LRP1B: variants seen among roughly 807,000 people sequenced by gnomAD.
LRP1B encodes low-density lipoprotein receptor-related protein 1B.
In LRP1B, 217 loss-of-function variants were observed where a neutral mutation model predicts 556.6. The observed-to-expected ratio is 0.39, with a 90% confidence interval of 0.35 to 0.44. The LOEUF (loss-of-function observed/expected upper bound fraction) is 0.44, where lower values mean the gene tolerates loss of function less well. LRP1B is among the 20% of genes least tolerant of loss of function. The probability of loss-of-function intolerance (pLI) is 1.00; values close to 1 mark genes in which losing one functional copy is unlikely to be tolerated. For synonymous variants in LRP1B, 2,047 were observed against 1,865.8 expected, an observed-to-expected ratio of 1.10 and a Z score of -2.50; for missense variants, 5,053 against 5,620.8, an observed-to-expected ratio of 0.90 and a Z score of 3.23.
chr2:141,706,670 T>C (rs1428517019), intron 2 of LRP1B, among the ~76,000 whole-genome samples: 3 of 152,148 alleles, frequency 2.0e-5, no homozygotes, highest in Middle Eastern at 3.2e-3. Context: ...CAATGTGATC[T>C]TCAGAACACA....
Position 140,325,775 on chromosome 2 carries a change from G to A in LRP1B, c.12327C>T (p.Val4109=). ...CACTTCACAAACCTTGTTTGCTGCT[G>A]ACAGAGACTACTGAATTAGAGCCAT... is the stretch of plus-strand genomic sequence containing the variant. ...LYDGSNSVVS[V]SSKQGLLHPH... is the part of the protein sequence containing the mutation. Residue 4109 remains valine (V), a synonymous_variant, in exon 80 of 91, where the codon GTC becomes GTT. Transcript: ENST00000389484. The A allele has an allele frequency of 6.2e-7, 1 of 1,610,628 alleles. No individual in the cohort carries two copies. The highest frequency in any genetic ancestry group is 1.1e-5 in the South Asian group (1 of 90,762).
intron 20 of LRP1B, among the ~76,000 whole-genome samples, chr2:140,936,892 T>G (rs1035580960): frequency 6.6e-6 from 1 of 152,128 alleles, no homozygotes; most frequent in Non-Finnish European, 1.5e-5. Flanking sequence ...AAAGTAATGG[T>G]AAAAACCTCC....
intron 3 of LRP1B, among the ~76,000 whole-genome samples, chr2:141,444,638 G>T (rs556597576): frequency 1.3e-5 from 2 of 152,206 alleles, no homozygotes; most frequent in East Asian, 1.9e-4. Flanking sequence ...TAGTATGAAG[G>T]TGTGTTGAAT....
intron 7 of LRP1B, among the ~76,000 whole-genome samples, chr2:141,160,958 G>A (rs182060582): frequency 1.8e-4 from 27 of 152,022 alleles, no homozygotes; most frequent in Middle Eastern, 3.4e-3. Flanking sequence ...AAATTTCCTC[G>A]TTTTAATAAT....
chr2:141,408,663 C>T (rs1321546905), intron 3 of LRP1B, among the ~76,000 whole-genome samples: 1 of 132,582 alleles, frequency 7.5e-6, no homozygotes, highest in Non-Finnish European at 1.6e-5. Flanking sequence ...TAAATTTGTT[C>T]TCACAATAAA....
chr2:141,050,313 A>T (rs544959559), intron 10 of LRP1B, among the ~76,000 whole-genome samples: 193 of 152,044 alleles, frequency 1.3e-3, no homozygotes, highest in Non-Finnish European at 2.4e-3. Flanking sequence ...TTAAATATAT[A>T]TAAAAGAATA....
intron 32 of LRP1B, 39 bp downstream of exon 32, chr2:140,813,618 C>T (rs368455910): frequency 2.3e-5 from 36 of 1,596,842 alleles, no homozygotes; most frequent in African/African-American, 4.0e-5. Flanking sequence ...AACCCCCAAT[C>T]AATACAAAGC....
intron 49 of LRP1B, among the ~76,000 whole-genome samples, chr2:140,524,866 A>C (rs552534973): frequency 3.3e-5 from 5 of 151,844 alleles, no homozygotes; most frequent in Non-Finnish European, 7.4e-5. Context: ...GCGTGACAGG[A>C]TCAATACAAG....
chr2:141,428,304 A>G (rs1308206063), intron 3 of LRP1B, among the ~76,000 whole-genome samples: 3 of 152,114 alleles, frequency 2.0e-5, no homozygotes, highest in Non-Finnish European at 4.4e-5. Flanking sequence ...GCTATTGTTC[A>G]CCTCCTGAGA....
chr2:142,093,907 T>C (rs1574677436), intron 1 of LRP1B, among the ~76,000 whole-genome samples: 1 of 152,062 alleles, frequency 6.6e-6, no homozygotes, highest in African/African-American at 2.4e-5. Context: ...TTAGTTTATT[T>C]GAACTGCTAT....
intron 7 of LRP1B, among the ~76,000 whole-genome samples, chr2:141,067,663 G>A (rs1218557930): frequency 1.3e-5 from 2 of 151,996 alleles, no homozygotes; most frequent in Non-Finnish European, 2.9e-5. Flanking sequence ...CCTATGCGCA[G>A]TAGCATAATA....
In LRP1B at chr2:140,373,000, C is replaced by T. The variant is rs1440410942; in HGVS notation, c.10768+8G>A. Reference sequence around the variant, plus strand: ...TAACTAAATGATATATTACTTCAATCCTTTTACCTGGCTCACAGCTTTTCT... The same window carrying T: ...TAACTAAATGATATATTACTTCAATTCTTTTACCTGGCTCACAGCTTTTCT... On this transcript the variant is annotated splice_region_variant and intron_variant, in intron 69 of 90. Coordinates refer to ENST00000389484, the MANE Select transcript of LRP1B (RefSeq NM_018557.3). The T allele has an allele frequency of 6.2e-7, 1 of 1,612,672 alleles. No individual in the cohort carries two copies. Among genetic ancestry groups the T allele is most frequent in the Non-Finnish European group, 8.5e-7 (1 of 1,179,350 alleles).
At chr2:141,975,224 T>A (rs1247025623) in intron 1 of LRP1B, among the ~76,000 whole-genome samples, 1 of 152,086 alleles carries the variant, frequency 6.6e-6, no homozygotes, top group Non-Finnish European at 1.5e-5. Flanking sequence ...TTGACCAAAG[T>A]GACACTTTGG....
chr2:140,833,820 GT>G (rs1315356833), intron 31 of LRP1B, among the ~76,000 whole-genome samples: 1 of 152,054 alleles, frequency 6.6e-6, no homozygotes, highest in Non-Finnish European at 1.5e-5. Flanking sequence ...CAAAGGTTAT[GT>G]TTAATATGTT....
In LRP1B at chr2:140,853,983, TTAAG is replaced by T. The variant is rs539728676; in HGVS notation, c.4580-2204_4580-2201del. On this transcript the variant is annotated intron_variant, in intron 27 of 90. Transcript: ENST00000389484. ...GAGGAGGAGTGAGTAAGAGGCAGTG[TTAAG>T]TGTCATATATCAAGTCAAGTTTACC... Among the ~76,000 whole-genome samples the T allele has an allele frequency of 2.6e-3, 387 of 150,688 alleles. 1 individual carries two copies. The highest frequency in any genetic ancestry group is 4.6e-3 in the Non-Finnish European group (311 of 67,756).
At chr2:140,771,338 A>C (rs954931407) in intron 33 of LRP1B, among the ~76,000 whole-genome samples, 1 of 152,128 alleles carries the variant, frequency 6.6e-6, no homozygotes, top group African/African-American at 2.4e-5. Flanking sequence ...TTGATTTTTA[A>C]ATTTTACTTC....
chr2:140,465,628 A>C (rs2105334791), intron 60 of LRP1B, among the ~76,000 whole-genome samples: 1 of 152,058 alleles, frequency 6.6e-6, no homozygotes, highest in South Asian at 2.1e-4. Flanking sequence ...TATTTGGAAT[A>C]GATGAGGCTG....
At chr2:141,636,246 G>C (rs1164927228) in intron 2 of LRP1B, among the ~76,000 whole-genome samples, 1 of 152,022 alleles carries the variant, frequency 6.6e-6, no homozygotes, top group Non-Finnish European at 1.5e-5. Context: ...ATACAAAAAG[G>C]ATTACTATCT....
intron 11 of LRP1B, among the ~76,000 whole-genome samples, chr2:141,029,503 T>A (rs1455181775): frequency 6.6e-6 from 1 of 152,130 alleles, no homozygotes; most frequent in African/African-American, 2.4e-5. Context: ...ACAGGGTGAC[T>A]GCTGTGTAAC....
Sources: gnomAD v4.1 joint callset for allele counts (sites outside exome capture counted in the v4.1 genomes callset) on GRCh38, gnomAD v4.1.1 for gene constraint, MANE v1.5 for transcripts, NCBI Gene and HGNC (gene_info 2026-07-23, HGNC 2026-07-21) for gene names.